The following MYO10 variants were observed in gnomAD, a reference collection of about 807,000 sequenced individuals.
MYO10 encodes the protein myosin X, also known as unconventional myosin-X.
Under a neutral mutation model 257.3 loss-of-function variants are expected in MYO10, and 133 were observed. The observed-to-expected ratio is 0.52, with a 90% CI of 0.45 to 0.60. The LOEUF (loss-of-function observed/expected upper bound fraction) is 0.60. MYO10 is among the 20% of genes least tolerant of loss of function. The pLI, the probability that MYO10 is intolerant of heterozygous loss-of-function variation, is 0.00. For missense variants in MYO10, 2,399 were observed against 2,635.7 expected, an observed-to-expected ratio of 0.91 and a Z score of 1.97; for synonymous variants, 1,104 against 1,028.6, an observed-to-expected ratio of 1.07 and a Z score of -1.40.
intron 19 of MYO10, chr5:16,713,483 C>A: frequency 1.0e-6 from 1 of 985,764 alleles, no homozygotes; most frequent in Non-Finnish European, 1.2e-6. Context: ...AGTGCCCGGT[C>A]GCCATGACAA....
intron 9 of MYO10, among the ~76,000 whole-genome samples, chr5:16,771,961 C>T (rs993871691): frequency 4.6e-5 from 7 of 151,788 alleles, no homozygotes; most frequent in Admixed American, 2.0e-4. Context: ...TATATAATCT[C>T]CAATAATTTC....
chr5:16,892,513 T>C (rs1350386442), intron 1 of MYO10, among the ~76,000 whole-genome samples: 2 of 152,078 alleles, frequency 1.3e-5, no homozygotes, highest in Non-Finnish European at 2.9e-5. Flanking sequence ...CATGGTGGCA[T>C]GCGCCTATAG....
chr5:16,929,143 G>A (rs560345912), intron 1 of MYO10, among the ~76,000 whole-genome samples: 25 of 151,520 alleles, frequency 1.6e-4, no homozygotes, highest in African/African-American at 4.6e-4. Flanking sequence ...TAGTAGAGAT[G>A]GGGGTTTCAC....
intron 9 of MYO10, among the ~76,000 whole-genome samples, chr5:16,775,530 G>A (rs1237145605): frequency 1.3e-5 from 2 of 152,114 alleles, no homozygotes; most frequent in Admixed American, 1.3e-4. Flanking sequence ...CCTGGGCTCA[G>A]GTAATCCTCA....
rs1322168889 is a variant in MYO10 at position 16,675,222 on chromosome 5, TAGTCA to T, written c.4667-77_4667-73del. On this transcript the variant is annotated intron_variant, in intron 34 of 40. Coordinates refer to ENST00000513610, the MANE Select transcript of MYO10 (RefSeq NM_012334.3). ...TAGGGCATGAGCATAATCGGAGCAG[TAGTCA>T]AGACAAAGGAATAAATGAGGAGGAC... 2.7e-6 allele frequency: 4 copies of T among 1,498,176 alleles called. No homozygotes were observed. The South Asian group carries it at 3.5e-5, about 13-fold the overall frequency. 92.8% of individuals were successfully genotyped at this position (1,498,176 alleles called of 1,614,324 possible).
At chr5:16,801,132 A>G (rs1742106756) in intron 3 of MYO10, among the ~76,000 whole-genome samples, 1 of 152,096 alleles carries the variant, frequency 6.6e-6, no homozygotes, top group South Asian at 2.1e-4. Flanking sequence ...TCCTCAAAAA[A>G]TGGTCAGGAC....
At chr5:16,922,190 G>C (rs553739761) in intron 1 of MYO10, among the ~76,000 whole-genome samples, 75 of 150,148 alleles carry the variant, frequency 5.0e-4, no homozygotes, top group African/African-American at 1.6e-3. Flanking sequence ...CTCCAGCCTG[G>C]GTGACAGAGC....
intron 2 of MYO10, among the ~76,000 whole-genome samples, chr5:16,832,156 T>C (rs1034775536): frequency 1.3e-5 from 2 of 152,148 alleles, no homozygotes; most frequent in East Asian, 1.9e-4. Context: ...TCCAGGCTGG[T>C]GTCAAACTCC....
chr5:16,671,397 A>G, intron 38 of MYO10, 25 bp downstream of exon 38: 1 of 1,612,768 alleles, frequency 6.2e-7, no homozygotes, highest in Non-Finnish European at 8.5e-7. Context: ...CGGCAAAGAA[A>G]TCTGTTTCTA....
intron 18 of MYO10, among the ~76,000 whole-genome samples, chr5:16,756,850 C>CA (rs1210939000): frequency 6.6e-6 from 1 of 152,070 alleles, no homozygotes; most frequent in Non-Finnish European, 1.5e-5. Flanking sequence ...TCTGTAATTC[C>CA]AGCACTTTGG....
rs779488177 is a variant in MYO10, at chr5:16,710,903, C to T, written c.2169+5G>A. Reference sequence around the variant, plus strand: ...GGTGGGAGTTGCTCTTTCTCCGCATCGTACCTTGGTCTTCCCCAGCTGCCA... The same window carrying T: ...GGTGGGAGTTGCTCTTTCTCCGCATTGTACCTTGGTCTTCCCCAGCTGCCA... On this transcript the variant is annotated splice_donor_5th_base_variant and intron_variant, in intron 21 of 40. Transcript: ENST00000513610. 13 of 1,611,832 alleles carry T rather than the reference C, an allele frequency of 8.1e-6. 1 individual carries two copies. The highest frequency in any genetic ancestry group is 5.5e-5 in the South Asian group (5 of 90,526).
chr5:16,723,728 G>C (rs193924), intron 19 of MYO10, among the ~76,000 whole-genome samples: 104,940 of 152,086 alleles, frequency 0.69, 38,233 homozygotes, highest in East Asian at 0.81. Context: ...TCCTTCAACA[G>C]GTGAATGGAC....
intron 19 of MYO10, among the ~76,000 whole-genome samples, chr5:16,724,503 G>A (rs1017399872): frequency 2.6e-5 from 4 of 152,080 alleles, no homozygotes; most frequent in Non-Finnish European, 5.9e-5. Context: ...CCAGCATAAG[G>A]TCCAAGTAGC....
intron 2 of MYO10, among the ~76,000 whole-genome samples, chr5:16,863,668 C>T (rs189536293): frequency 5.6e-4 from 85 of 152,248 alleles, no homozygotes; most frequent in African/African-American, 2.0e-3. Flanking sequence ...ACACTCACCC[C>T]GAGAGATGAA....
intron 9 of MYO10, among the ~76,000 whole-genome samples, chr5:16,770,620 A>G (rs73053042): frequency 2.5e-3 from 382 of 152,358 alleles, no homozygotes; most frequent in African/African-American, 8.9e-3. Flanking sequence ...GGCAATATCG[A>G]TGAAAATGAC....
At chr5:16,736,061 C>A (rs1490894643) in intron 19 of MYO10, among the ~76,000 whole-genome samples, 3 of 152,176 alleles carry the variant, frequency 2.0e-5, no homozygotes, top group Admixed American at 6.5e-5. Flanking sequence ...TACACATTTA[C>A]CAAAACGACC....
At chr5:16,780,804 G>T in intron 6 of MYO10, 63 bp from the exon 7 acceptor site, 1 of 1,467,598 alleles carries the variant, frequency 6.8e-7, no homozygotes, top group Non-Finnish European at 9.3e-7. Flanking sequence ...TGCTCAACTA[G>T]TCTTTCATTT....
At chr5:16,704,777 C>A in intron 21 of MYO10, 92 bp from the exon 22 acceptor site, 2 of 951,010 alleles carry the variant, frequency 2.1e-6, no homozygotes, top group Non-Finnish European at 1.6e-6. Flanking sequence ...GGAGTTAAGG[C>A]TTTTTTCTCT....
intron 3 of MYO10, among the ~76,000 whole-genome samples, chr5:16,811,297 A>G (rs1477423728): frequency 6.6e-6 from 1 of 152,114 alleles, no homozygotes; most frequent in Admixed American, 6.6e-5. Context: ...GACCGTAGCT[A>G]TGAGACCAAA....
Sources: gnomAD v4.1 joint callset for allele counts (sites outside exome capture counted in the v4.1 genomes callset) on GRCh38, gnomAD v4.1.1 for gene constraint, MANE v1.5 for transcripts, NCBI Gene and HGNC (gene_info 2026-07-23, HGNC 2026-07-21) for gene names.